Variants in TENT5C observed in about 807,000 individuals in gnomAD.
TENT5C encodes the protein terminal nucleotidyltransferase 5C.
TENT5C carries 5 observed loss-of-function variants against 22.2 expected under a neutral mutation model. That is an observed-to-expected ratio of 0.22 (90% CI 0.12 to 0.47). The LOEUF (loss-of-function observed/expected upper bound fraction) is 0.47. TENT5C is among the 20% of genes least tolerant of loss of function. The pLI is 0.99. For missense variants in TENT5C, 364 were observed against 500.9 expected (o/e 0.73, Z 2.61); for synonymous variants, 199 against 195.4 (o/e 1.02, Z -0.15).
chr1:117,622,003 T>C (rs2101079145), intron 1 of TENT5C, among the ~76,000 whole-genome samples: 1 of 152,342 alleles, frequency 6.6e-6, no homozygotes, highest in East Asian at 1.9e-4. Flanking sequence ...GTTTTCCAAG[T>C]ACACTTGAAG....
chr1:117,606,137 C>T lies in TENT5C; in HGVS notation c.-44C>T, dbSNP rs1318249642. The T allele has an allele frequency of 6.6e-6, 1 of 152,560 alleles. No homozygotes were observed. The highest frequency in any genetic ancestry group is 2.4e-5 in the African/African-American group (1 of 41,450). The allele number at this position is 152,560 out of a possible 1,614,324, so 9.5% of individuals were successfully genotyped here. A position where few individuals can be genotyped will look rare whatever the true frequency, so the allele number is the denominator to read the frequency against. On this transcript the variant is annotated 5_prime_UTR_variant, in exon 1 of 2. Transcript: ENST00000369448. ...CGCCAAGGACCTGCCTCTGTCGCCT[C>T]CTCTTCTATTGCCCAGGTGAGTCCG...
chr1:117,622,296 AC>A (rs1303431455), intron 1 of TENT5C, among the ~76,000 whole-genome samples: 2 of 151,038 alleles, frequency 1.3e-5, no homozygotes, highest in African/African-American at 4.9e-5. Context: ...GAATCCATCT[AC>A]TTGTGGAGTG....
chr1:117,621,639 C>A (rs1653897220), intron 1 of TENT5C, among the ~76,000 whole-genome samples: 1 of 152,052 alleles, frequency 6.6e-6, no homozygotes, highest in African/African-American at 2.4e-5. Context: ...AATGAAACTG[C>A]AGAAGTCATT....
At chr1:117,613,021 A>G (rs1653701616) in intron 1 of TENT5C, among the ~76,000 whole-genome samples, 1 of 152,212 alleles carries the variant, frequency 6.6e-6, no homozygotes, top group South Asian at 2.1e-4. Flanking sequence ...TACAGTAAGC[A>G]GTCTCCTCCT....
At position 117,623,028 on chromosome 1, in the gene TENT5C, AC is replaced by A. The variant is rs1653931780; in HGVS notation, c.162del (p.Val55SerfsTer17). On this transcript the variant is annotated frameshift_variant, in exon 2 of 2. Transcript: ENST00000369448. LOFTEE classifies it high-confidence loss of function. Reference sequence around the variant, plus strand: ...GATAACTCTGAAGGACATCGTCCAGACCGTCCGCAGTCGGCTGGAGGAGGCA... The same window carrying A: ...GATAACTCTGAAGGACATCGTCCAGACGTCCGCAGTCGGCTGGAGGAGGCA... ...LEITLKDIVQ[T>X]VRSRLEEAGI... is the part of the protein sequence containing the mutation. The A allele has an allele frequency of 6.2e-7, 1 of 1,614,202 alleles. No homozygotes were observed. Among genetic ancestry groups the A allele is most frequent in the Non-Finnish European group, 8.5e-7 (1 of 1,180,036 alleles).
At chr1:117,609,111 A>G (rs1259293004) in intron 1 of TENT5C, among the ~76,000 whole-genome samples, 4 of 152,250 alleles carry the variant, frequency 2.6e-5, no homozygotes, top group Non-Finnish European at 5.9e-5. Context: ...CTCTGTGTTT[A>G]AAGAAATGTT....
rs186496511 is a variant in TENT5C, at chr1:117,626,707, A to G, written c.*2663A>G. On this transcript the variant is annotated 3_prime_UTR_variant, in exon 2 of 2. Coordinates refer to ENST00000369448, the MANE Select transcript of TENT5C (RefSeq NM_017709.4). ...TGGTTCCTATTTTATGTGTGTGTGT[A>G]TGTGTGTGTGTTGAGTAACATGAAA... is the stretch of plus-strand genomic sequence containing the variant. 71 of 247,880 alleles carry G rather than the reference A, an allele frequency of 2.9e-4. No homozygotes were observed. In the East Asian group the frequency reaches 3.7e-3, roughly 13 times the overall value. 15.4% of individuals were successfully genotyped at this position (247,880 alleles called of 1,614,324 possible).
At chr1:117,609,313 C>T (rs1808809) in intron 1 of TENT5C, among the ~76,000 whole-genome samples, 38,445 of 152,066 alleles carry the variant, frequency 0.25, 4,947 homozygotes, top group Admixed American at 0.32. Flanking sequence ...AAGAATTGTT[C>T]AGAATTAATA....
intron 1 of TENT5C, among the ~76,000 whole-genome samples, chr1:117,610,557 CTT>C (rs1471839229): frequency 1.1e-4 from 17 of 152,204 alleles, no homozygotes; most frequent in Admixed American, 6.5e-4. Context: ...GAGACGGAGT[CTT>C]ACTCTGTCGC....
chr1:117,607,294 T>C (rs1038742985), intron 1 of TENT5C, among the ~76,000 whole-genome samples: 2 of 152,166 alleles, frequency 1.3e-5, no homozygotes, highest in African/African-American at 4.8e-5. Flanking sequence ...TTTTTGTCCA[T>C]AGGTAGGCTT....
Position 117,606,725 on chromosome 1 carries a change from G to A in TENT5C, c.-28+572G>A, listed in dbSNP as rs1460169438. Among the ~76,000 whole-genome samples, 5 of 152,232 alleles carry A rather than the reference G, an allele frequency of 3.3e-5. No homozygotes were observed. The East Asian group carries it at 9.6e-4, about 29-fold the overall frequency. The stretch of plus-strand genomic sequence containing the variant: ...GGTCCGGGGCTTGGATCTGGTTGGG[G>A]AGGGGAGGGGCGCTTCCTAGGCTCA... On this transcript the variant is annotated intron_variant, in intron 1 of 1. Coordinates refer to ENST00000369448, the MANE Select transcript of TENT5C (RefSeq NM_017709.4).
intron 1 of TENT5C, among the ~76,000 whole-genome samples, chr1:117,619,610 G>T (rs1288986930): frequency 6.6e-6 from 1 of 151,958 alleles, no homozygotes; most frequent in Non-Finnish European, 1.5e-5. Flanking sequence ...TACCCACTCT[G>T]TATAAGTATA....
Position 117,624,338 on chromosome 1 carries a change from G to C in TENT5C, c.*294G>C, listed in dbSNP as rs552595964. On this transcript the variant is annotated 3_prime_UTR_variant, in exon 2 of 2. Coordinates refer to ENST00000369448, the MANE Select transcript of TENT5C (RefSeq NM_017709.4). ...CATGTCATGTCCCAAACATTAGCAC[G>C]TGGGGGTTGAGCTCTGTGCAGTAAT... The C allele has an allele frequency of 2.3e-5, 9 of 398,776 alleles. No homozygotes were observed. Among genetic ancestry groups the C allele is most frequent in the Non-Finnish European group, 4.2e-5 (9 of 214,388 alleles). The allele number at this position is 398,776 out of a possible 1,614,324, so 24.7% of individuals were successfully genotyped here.
rs1037451317 is a variant in TENT5C, at chr1:117,620,510, T to G, written c.-27-2332T>G. Among the ~76,000 whole-genome samples the G allele has an allele frequency of 2.0e-5, 3 of 152,198 alleles. No homozygotes were observed. In the East Asian group the frequency reaches 5.8e-4, roughly 29 times the overall value. The stretch of plus-strand genomic sequence containing the variant: ...ATGCCACCAAACCATAGTCTAGCTC[T>G]GGTCACAGTAAAGCCAGCCCCGTAA... On this transcript the variant is annotated intron_variant, in intron 1 of 1. Coordinates refer to ENST00000369448, the MANE Select transcript of TENT5C (RefSeq NM_017709.4).
At chr1:117,612,736 C>G (rs1653696621) in intron 1 of TENT5C, among the ~76,000 whole-genome samples, 1 of 152,180 alleles carries the variant, frequency 6.6e-6, no homozygotes, top group South Asian at 2.1e-4. Flanking sequence ...CACTTAGACA[C>G]TTGTGAATGG....
Position 117,626,273 on chromosome 1 carries a change from GT to G in TENT5C, c.*2231del, listed in dbSNP as rs1570866653. 42 of 247,704 alleles carry G rather than the reference GT, an allele frequency of 1.7e-4. No individual in the cohort carries two copies. The East Asian group carries it at 2.5e-3, about 15-fold the overall frequency. 15.3% of individuals were successfully genotyped at this position (247,704 alleles called of 1,614,324 possible). A position where few individuals can be genotyped will look rare whatever the true frequency, so the allele number is the denominator to read the frequency against. ...ATTAAATTTCCAGTTTGTCCTTGGG[GT>G]TCTTTCTGCTTATGTTTTTTCCCCC... On this transcript the variant is annotated 3_prime_UTR_variant, in exon 2 of 2. Transcript: ENST00000369448.
chr1:117,610,465 C>A (rs1273887274), intron 1 of TENT5C, among the ~76,000 whole-genome samples: 1 of 152,238 alleles, frequency 6.6e-6, no homozygotes, highest in African/African-American at 2.4e-5. Flanking sequence ...TTCCCACAGG[C>A]TTCTGACTGA....
At chr1:117,607,027 G>A (rs1288276889) in intron 1 of TENT5C, among the ~76,000 whole-genome samples, 1 of 152,206 alleles carries the variant, frequency 6.6e-6, no homozygotes, top group Non-Finnish European at 1.5e-5. Context: ...GCAGTTCGGG[G>A]ACTCCCTTCG....
Position 117,624,283 on chromosome 1 carries a change from C to T in TENT5C, c.*239C>T. On this transcript the variant is annotated 3_prime_UTR_variant, in exon 2 of 2. Coordinates refer to ENST00000369448, the MANE Select transcript of TENT5C (RefSeq NM_017709.4). ...TGGAAAACGCTACAGGAAGCATGAC[C>T]TATCCACATCTTTCCAAGATAGACA... is the stretch of plus-strand genomic sequence containing the variant. 2.2e-6 allele frequency: 1 copy of T among 450,404 alleles called. No homozygotes were observed. The highest frequency in any genetic ancestry group is 3.9e-6 in the Non-Finnish European group (1 of 253,952). The allele number at this position is 450,404 out of a possible 1,614,324, so 27.9% of individuals were successfully genotyped here. A position where few individuals can be genotyped will look rare whatever the true frequency, so the allele number is the denominator to read the frequency against.
Sources: gnomAD v4.1 joint callset for allele counts (sites outside exome capture counted in the v4.1 genomes callset) on GRCh38, gnomAD v4.1.1 for gene constraint, MANE v1.5 for transcripts, NCBI Gene and HGNC (gene_info 2026-07-23, HGNC 2026-07-21) for gene names.